Variants in PDLIM5 observed in about 807,000 individuals in gnomAD.
The protein encoded by PDLIM5 is PDZ and LIM domain 5.
In PDLIM5, 34 loss-of-function variants were observed where a neutral mutation model predicts 64.2. That is an observed-to-expected ratio of 0.53 (90% CI 0.40 to 0.71). The LOEUF is 0.71. Among genes scored for constraint, PDLIM5 ranks in the 30% least tolerant of loss-of-function variants. The probability of loss-of-function intolerance (pLI) is 0.00; values close to 1 mark genes in which losing one functional copy is unlikely to be tolerated. For missense variants in PDLIM5, 683 were observed against 733.6 expected, an observed-to-expected ratio of 0.93 and a Z score of 0.80; for synonymous variants, 253 against 269.1, an observed-to-expected ratio of 0.94 and a Z score of 0.59.
chr4:94,638,384 A>G (rs6834677), intron 8 of PDLIM5, among the ~76,000 whole-genome samples: 149,861 of 152,334 alleles, frequency 0.98, 73,743 homozygotes, highest in East Asian at 1. Context: ...ATGGGCAATA[A>G]TAGAGCTCCC....
At chr4:94,501,422 C>A (rs1194787775) in intron 2 of PDLIM5, among the ~76,000 whole-genome samples, 1 of 152,118 alleles carries the variant, frequency 6.6e-6, no homozygotes, top group Non-Finnish European at 1.5e-5. Flanking sequence ...ATGGTCTTTG[C>A]TGTTCCAGTG....
At chr4:94,626,115 C>G (rs1413889226) in intron 8 of PDLIM5, among the ~76,000 whole-genome samples, 2 of 152,104 alleles carry the variant, frequency 1.3e-5, no homozygotes, top group African/African-American at 4.8e-5. Context: ...ACTTGCTTTT[C>G]AAAATGAATA....
chr4:94,558,114 C>G lies in PDLIM5; in HGVS notation c.249-15237C>G, dbSNP rs538813859. Among the ~76,000 whole-genome samples, 1,155 of 152,230 alleles carry G rather than the reference C, an allele frequency of 7.6e-3. 6 individuals are homozygous for G. The highest frequency in any genetic ancestry group is 0.011 in the Non-Finnish European group (749 of 68,006). ...CTAATTTATTGAGAGTTTTTAGCAT[C>G]AAGGGCTGTTGAATTTTGTCAAAAG... On this transcript the variant is annotated intron_variant, in intron 3 of 12. Transcript: ENST00000317968.
chr4:94,507,655 TG>T (rs1486335538), intron 2 of PDLIM5, among the ~76,000 whole-genome samples: 1 of 152,210 alleles, frequency 6.6e-6, no homozygotes, highest in African/African-American at 2.4e-5. Flanking sequence ...TGATAATTTT[TG>T]GTGTACACAA....
At position 94,575,920 on chromosome 4, in the gene PDLIM5, C is replaced by G; in HGVS notation, c.596C>G (p.Thr199Ser). 6.2e-7 allele frequency: 1 copy of G among 1,614,154 alleles called. No homozygotes were observed. The highest frequency in any genetic ancestry group is 2.2e-5 in the East Asian group (1 of 44,870). Reference protein sequence around the residue: ...QSPSALSAGKTAVNVPRQPTV... With the variant: ...QSPSALSAGKSAVNVPRQPTV... ...CCATCTGCACTGAGCGCTGGTAAAACTGCAGTTAATGTCCCACGGCAGCCC... is the reference window on the plus strand; with the variant it reads ...CCATCTGCACTGAGCGCTGGTAAAAGTGCAGTTAATGTCCCACGGCAGCCC... The change falls in exon 5 of 13, where the codon ACT becomes AGT. Residue 199 changes from threonine to serine, a missense_variant. Transcript: ENST00000317968.
At chr4:94,541,246 C>T (rs1419548736) in intron 3 of PDLIM5, among the ~76,000 whole-genome samples, 1 of 152,156 alleles carries the variant, frequency 6.6e-6, no homozygotes, top group Non-Finnish European at 1.5e-5. Context: ...AAATGTCGTC[C>T]ATGTAAAACC....
intron 7 of PDLIM5, among the ~76,000 whole-genome samples, chr4:94,597,784 A>G (rs186597436): frequency 6.6e-6 from 1 of 152,154 alleles, no homozygotes; most frequent in African/African-American, 2.4e-5. Flanking sequence ...TCAAAAAAGG[A>G]AAAAAAAGTT....
chr4:94,515,760 C>T (rs761899341), intron 2 of PDLIM5, among the ~76,000 whole-genome samples: 3 of 152,150 alleles, frequency 2.0e-5, no homozygotes, highest in Non-Finnish European at 4.4e-5. Context: ...ATTGTTAATC[C>T]ATTCCCAGGT....
intron 8 of PDLIM5, 142 bp downstream of exon 8, chr4:94,618,333 A>G: frequency 2.0e-6 from 1 of 492,874 alleles, no homozygotes; most frequent in East Asian, 3.4e-5. Flanking sequence ...GGATTAAACT[A>G]TAGCTATTTT....
intron 7 of PDLIM5, among the ~76,000 whole-genome samples, chr4:94,596,223 C>CTGT (rs896065429): frequency 3.9e-5 from 6 of 152,078 alleles, no homozygotes; most frequent in African/African-American, 4.8e-5. Context: ...CTGGAAATGC[C>CTGT]TGTTGTTGTT....
At chr4:94,558,708 C>T (rs950215579) in intron 3 of PDLIM5, among the ~76,000 whole-genome samples, 9 of 151,336 alleles carry the variant, frequency 5.9e-5, no homozygotes, top group African/African-American at 2.2e-4. Flanking sequence ...ATAAAAATGT[C>T]GGCTTTCTGG....
chr4:94,568,945 A>G (rs1734573472), intron 3 of PDLIM5, among the ~76,000 whole-genome samples: 1 of 152,250 alleles, frequency 6.6e-6, no homozygotes. Flanking sequence ...CCAGATGATG[A>G]AGTCAATTTG....
chr4:94,468,559 G>A (rs141000041), intron 2 of PDLIM5, among the ~76,000 whole-genome samples: 223 of 152,296 alleles, frequency 1.5e-3, no homozygotes, highest in African/African-American at 5.1e-3. Context: ...GGCTTGTCTG[G>A]ACATAATATG....
At chr4:94,593,647 C>G (rs750685572) in intron 7 of PDLIM5, among the ~76,000 whole-genome samples, 7 of 152,092 alleles carry the variant, frequency 4.6e-5, no homozygotes, top group Non-Finnish European at 1.0e-4. Flanking sequence ...ACCTTAATTA[C>G]CTCTTTAAAG....
chr4:94,629,713 C>T, intron 8 of PDLIM5, among the ~76,000 whole-genome samples: 1 of 152,242 alleles, frequency 6.6e-6, no homozygotes, highest in Non-Finnish European at 1.5e-5. Flanking sequence ...GATACTTAGA[C>T]TTGGGTGCAC....
At chr4:94,611,418 T>C (rs978077343) in intron 7 of PDLIM5, among the ~76,000 whole-genome samples, 2 of 152,248 alleles carry the variant, frequency 1.3e-5, no homozygotes, top group Non-Finnish European at 2.9e-5. Context: ...TGTGACATCT[T>C]TCCTTAGCAT....
At chr4:94,648,610 A>G (rs569935335) in intron 9 of PDLIM5, among the ~76,000 whole-genome samples, 1 of 152,294 alleles carries the variant, frequency 6.6e-6, no homozygotes, top group African/African-American at 2.4e-5. Context: ...AGTGTCCCAC[A>G]GTTTCTGTGT....
intron 2 of PDLIM5, among the ~76,000 whole-genome samples, chr4:94,515,444 T>G (rs1400680058): frequency 6.6e-6 from 1 of 152,210 alleles, no homozygotes; most frequent in Non-Finnish European, 1.5e-5. Flanking sequence ...TAAAAGTTCT[T>G]AAATTTTCTT....
At chr4:94,534,638 T>A (rs147670777) in intron 3 of PDLIM5, among the ~76,000 whole-genome samples, 663 of 152,318 alleles carry the variant, frequency 4.4e-3, no homozygotes, top group African/African-American at 0.015. Flanking sequence ...TGAGGTTAAA[T>A]GAAATAGCAT....
Sources: allele counts gnomAD v4.1 joint callset (sites outside exome capture counted in the v4.1 genomes callset), GRCh38; gene constraint gnomAD v4.1.1; transcripts MANE v1.5; gene names NCBI Gene and HGNC (gene_info 2026-07-23, HGNC 2026-07-21).